SKAP1: variants seen among roughly 807,000 people sequenced by gnomAD.
The protein encoded by SKAP1 is src kinase-associated phosphoprotein 1.
In SKAP1, 44 loss-of-function variants were observed where a neutral mutation model predicts 58.5. The observed-to-expected ratio is 0.75, with a 90% confidence interval of 0.59 to 0.97. SKAP1 has a LOEUF of 0.97. Among genes scored for constraint, SKAP1 ranks in the 50% least tolerant of loss-of-function variants. The pLI is 0.00. For missense variants in SKAP1, 390 were observed against 435.2 expected, an observed-to-expected ratio of 0.90 and a Z score of 0.92; for synonymous variants, 127 against 149.7, an observed-to-expected ratio of 0.85 and a Z score of 1.11.
chr17:48,406,597 C>T (rs2067588426), intron 1 of SKAP1, among the ~76,000 whole-genome samples: 1 of 149,814 alleles, frequency 6.7e-6, no homozygotes, highest in South Asian at 2.1e-4. Context: ...TGGAGTCTAA[C>T]TTATGTCACC....
intron 4 of SKAP1, among the ~76,000 whole-genome samples, chr17:48,255,718 A>G (rs1044621401): frequency 6.6e-6 from 1 of 152,060 alleles, no homozygotes; most frequent in Non-Finnish European, 1.5e-5. Flanking sequence ...TACTACCTCA[A>G]AATCTACACC....
intron 4 of SKAP1, among the ~76,000 whole-genome samples, chr17:48,216,454 C>T (rs947970613): frequency 2.6e-5 from 4 of 151,704 alleles, no homozygotes; most frequent in African/African-American, 9.7e-5. Flanking sequence ...ACTAAGTACC[C>T]TATGTCCACT....
chr17:48,146,441 C>T (rs1239380920), intron 11 of SKAP1, among the ~76,000 whole-genome samples: 6 of 149,330 alleles, frequency 4.0e-5, no homozygotes, highest in African/African-American at 1.5e-4. Flanking sequence ...TGCAGTGAGC[C>T]GAGATTGCAC....
intron 11 of SKAP1, among the ~76,000 whole-genome samples, chr17:48,158,585 G>T (rs761225230): frequency 1.3e-4 from 7 of 53,460 alleles, no homozygotes; most frequent in Non-Finnish European, 2.4e-4. Flanking sequence ...AAAAAAAAAA[G>T]AAAAAAGAAA....
intron 1 of SKAP1, among the ~76,000 whole-genome samples, chr17:48,419,316 C>T (rs1370770411): frequency 2.8e-5 from 4 of 140,544 alleles, no homozygotes; most frequent in Non-Finnish European, 6.2e-5. Context: ...CAGTGTCTTG[C>T]TCTGCCACCC....
At chr17:48,136,185 T>G (rs954770874) in intron 12 of SKAP1, among the ~76,000 whole-genome samples, 1 of 152,028 alleles carries the variant, frequency 6.6e-6, no homozygotes, top group African/African-American at 2.4e-5. Flanking sequence ...TCTTTTTTTT[T>G]TTTCTCAAGA....
intron 4 of SKAP1, among the ~76,000 whole-genome samples, chr17:48,325,576 C>T (rs2066426596): frequency 6.6e-6 from 1 of 152,122 alleles, no homozygotes; most frequent in Non-Finnish European, 1.5e-5. Flanking sequence ...TGTCAGAACT[C>T]CCTGTTTTCC....
At chr17:48,144,831 A>T (rs1176949166) in intron 11 of SKAP1, among the ~76,000 whole-genome samples, 2 of 152,206 alleles carry the variant, frequency 1.3e-5, no homozygotes, top group African/African-American at 2.4e-5. Flanking sequence ...AGATTGGAAA[A>T]ATGCTGAGAG....
At chr17:48,395,746 G>GCCAGCAGGAAAGATCGATTAAGAT in intron 2 of SKAP1, among the ~76,000 whole-genome samples, 1 of 152,154 alleles carries the variant, frequency 6.6e-6, no homozygotes, top group Non-Finnish European at 1.5e-5. Flanking sequence ...TGCTTAATTA[G>GCCAGCAGGAAAGATCGATTAAGAT]CCAGCAGGAA....
At chr17:48,402,252 G>A (rs901452215) in intron 1 of SKAP1, among the ~76,000 whole-genome samples, 1 of 151,552 alleles carries the variant, frequency 6.6e-6, no homozygotes, top group East Asian at 1.9e-4. Flanking sequence ...ATAGGATCCA[G>A]AAATTATATT....
At chr17:48,377,259 G>A (rs1238229193) in intron 2 of SKAP1, 2 of 152,070 alleles carry the variant, frequency 1.3e-5, no homozygotes, top group African/African-American at 2.4e-5. Context: ...CTAAGGGTTC[G>A]ACTGAGGTTG....
intron 2 of SKAP1, among the ~76,000 whole-genome samples, chr17:48,384,825 T>C (rs1184913889): frequency 6.6e-6 from 1 of 152,196 alleles, no homozygotes; most frequent in African/African-American, 2.4e-5. Context: ...TGCAATATGC[T>C]GTCTGGTGCC....
intron 4 of SKAP1, among the ~76,000 whole-genome samples, chr17:48,272,070 T>C (rs72827805): frequency 0.11 from 16,574 of 152,136 alleles, 966 homozygotes; most frequent in East Asian, 0.2. Context: ...GCTATTTAAT[T>C]CATGTAGAAA....
At chr17:48,432,622 A>G (rs2067925785), upstream of SKAP1, among the ~76,000 whole-genome samples, 1 of 152,180 alleles carries the variant, frequency 6.6e-6, no homozygotes, top group African/African-American at 2.4e-5. Context: ...ATACATGGGA[A>G]CTGTCTGTGC....
intron 4 of SKAP1, among the ~76,000 whole-genome samples, chr17:48,301,012 C>G (rs1396056219): frequency 2.6e-5 from 4 of 152,150 alleles, no homozygotes; most frequent in Non-Finnish European, 4.4e-5. Flanking sequence ...GGACCTGATT[C>G]TACCCATTAT....
At chr17:48,189,737 C>A (rs1261878541) in intron 4 of SKAP1, among the ~76,000 whole-genome samples, 1 of 151,356 alleles carries the variant, frequency 6.6e-6, no homozygotes, top group Non-Finnish European at 1.5e-5. Flanking sequence ...TACAATGGCG[C>A]TATCTCGGCT....
intron 4 of SKAP1, among the ~76,000 whole-genome samples, chr17:48,335,101 T>G (rs981735526): frequency 6.6e-6 from 1 of 151,858 alleles, no homozygotes; most frequent in African/African-American, 2.4e-5. Flanking sequence ...ATTCCTCAAT[T>G]AGTATAATAT....
intron 4 of SKAP1, among the ~76,000 whole-genome samples, chr17:48,269,884 G>A (rs1424863303): frequency 6.6e-6 from 1 of 152,082 alleles, no homozygotes; most frequent in Non-Finnish European, 1.5e-5. Flanking sequence ...ACCTGAGGTC[G>A]GGAGTATCAC....
chr17:48,304,293 C>T (rs2144143676), intron 4 of SKAP1, among the ~76,000 whole-genome samples: 1 of 152,234 alleles, frequency 6.6e-6, no homozygotes, highest in South Asian at 2.1e-4. Context: ...TGTCTAATTC[C>T]TGGTTCTATC....
Sources: gnomAD v4.1 joint callset for allele counts (sites outside exome capture counted in the v4.1 genomes callset) on GRCh38, gnomAD v4.1.1 for gene constraint, MANE v1.5 for transcripts, NCBI Gene and HGNC (gene_info 2026-07-23, HGNC 2026-07-21) for gene names.